PGBD5: variants seen among roughly 807,000 people sequenced by gnomAD.
The protein encoded by PGBD5 is piggyBac transposable element derived 5, also known as piggyBac transposable element-derived protein 5.
A neutral mutation model predicts 47.9 loss-of-function variants in PGBD5; 14 were observed. The observed-to-expected ratio is 0.29, with a 90% confidence interval of 0.19 to 0.46. PGBD5 has a LOEUF of 0.46. Among genes scored for constraint, PGBD5 ranks in the 20% least tolerant of loss-of-function variants. The pLI, the probability that PGBD5 is intolerant of heterozygous loss-of-function variation, is 1.00. For synonymous variants in PGBD5, 316 were observed against 306.3 expected, an observed-to-expected ratio of 1.03 and a Z score of -0.33; for missense variants, 635 against 716.0, an observed-to-expected ratio of 0.89 and a Z score of 1.29.
At chr1:230,415,291 C>T (rs1657490836) in intron 1 of PGBD5, among the ~76,000 whole-genome samples, 1 of 151,176 alleles carries the variant, frequency 6.6e-6, no homozygotes, top group South Asian at 2.1e-4. Flanking sequence ...AAAAAAAGTG[C>T]TCAAATAAGA....
chr1:230,327,444 A>G (rs1004120927), intron 5 of PGBD5, among the ~76,000 whole-genome samples: 2 of 152,118 alleles, frequency 1.3e-5, no homozygotes, highest in African/African-American at 4.8e-5. Flanking sequence ...CTTTCCTCAG[A>G]AACAGCAGCA....
chr1:230,355,718 G>C lies in PGBD5; in HGVS notation c.759+1176C>G, dbSNP rs115225987. 8.6e-3 allele frequency among the ~76,000 whole-genome samples: 1,316 copies of C among 152,292 alleles called. 23 individuals carry two copies. Among genetic ancestry groups the C allele is most frequent in the Middle Eastern group, 0.017 (5 of 294 alleles). ...TTCAGATAACAGGGAATCCACACGG[G>C]ACTGTGGGCCTTACACTGGCCCTGG... On this transcript the variant is annotated intron_variant, in intron 2 of 6. Coordinates refer to ENST00000391860, the MANE Select transcript of PGBD5 (RefSeq NM_001258311.2).
At chr1:230,347,851 A>G (rs1352913675) in intron 3 of PGBD5, among the ~76,000 whole-genome samples, 1 of 152,076 alleles carries the variant, frequency 6.6e-6, no homozygotes, top group Non-Finnish European at 1.5e-5. Flanking sequence ...TACAAAATCG[A>G]TGTGCCATAT....
chr1:230,358,218 G>C (rs904878654), intron 1 of PGBD5, among the ~76,000 whole-genome samples: 1 of 152,028 alleles, frequency 6.6e-6, no homozygotes, highest in Non-Finnish European at 1.5e-5. Context: ...CCTGGGAATG[G>C]GGGGTAGAAT....
Position 230,323,345 on chromosome 1 carries a change from G to C in PGBD5, c.*80C>G. ...CAAGCCACACACCAGGCCGTGTCCG[G>C]GTCTCTGATGGGCAAGTTGGAACGG... is the stretch of plus-strand genomic sequence containing the variant. On this transcript the variant is annotated 3_prime_UTR_variant, in exon 7 of 7. Transcript: ENST00000391860. The surrounding 1 kb of genome is among the most constrained non-coding windows in gnomAD (Gnocchi z 4.1). The C allele has an allele frequency of 6.6e-7, 1 of 1,516,296 alleles. No homozygotes were observed. Among genetic ancestry groups the C allele is most frequent in the Non-Finnish European group, 8.9e-7 (1 of 1,124,290 alleles). The allele number at this position is 1,516,296 out of a possible 1,614,324, so 93.9% of individuals were successfully genotyped here.
At chr1:230,354,312 C>A (rs764222217) in intron 2 of PGBD5, among the ~76,000 whole-genome samples, 4 of 151,990 alleles carry the variant, frequency 2.6e-5, no homozygotes, top group Non-Finnish European at 5.9e-5. Flanking sequence ...GCTGGGTGTT[C>A]TCTGTTTGCC....
intron 1 of PGBD5, among the ~76,000 whole-genome samples, chr1:230,363,568 C>T (rs969226502): frequency 2.0e-5 from 3 of 150,470 alleles, no homozygotes; most frequent in African/African-American, 4.9e-5. Flanking sequence ...GGTGACAGAG[C>T]GAGACTCCAT....
At chr1:230,341,693 A>G (rs1667409414) in intron 3 of PGBD5, among the ~76,000 whole-genome samples, 1 of 152,204 alleles carries the variant, frequency 6.6e-6, no homozygotes, top group South Asian at 2.1e-4. Context: ...ACATATCTAG[A>G]GAAAGCACTA....
Position 230,398,061 on chromosome 1 carries a change from T to C in PGBD5, c.331+27537A>G, listed in dbSNP as rs539693811. On this transcript the variant is annotated intron_variant, in intron 1 of 6. Transcript: ENST00000391860. ...CACATCTGGCACCCAGGAACTCCTA[T>C]AGGACCCTGAAACAGTCCCAGTTGG... Among the ~76,000 whole-genome samples the C allele has an allele frequency of 2.6e-5, 4 of 152,258 alleles. No homozygotes were observed. In the East Asian group the frequency reaches 5.8e-4, roughly 22 times the overall value.
intron 2 of PGBD5, among the ~76,000 whole-genome samples, chr1:230,353,844 G>GAATCC (rs1222236148): frequency 6.6e-6 from 1 of 152,224 alleles, no homozygotes; most frequent in Non-Finnish European, 1.5e-5. Flanking sequence ...GGAAAGCTGC[G>GAATCC]AATCCAAGGC....
intron 1 of PGBD5, among the ~76,000 whole-genome samples, chr1:230,393,754 A>G (rs1468808125): frequency 3.3e-5 from 5 of 149,278 alleles, no homozygotes; most frequent in Non-Finnish European, 5.9e-5. Flanking sequence ...GAACCCGGGA[A>G]GCGGAGCTTG....
chr1:230,343,132 A>C (rs1667431648), intron 3 of PGBD5, among the ~76,000 whole-genome samples: 2 of 152,134 alleles, frequency 1.3e-5, no homozygotes, highest in African/African-American at 2.4e-5. Flanking sequence ...CACCATGACC[A>C]TGCCCAGGAA....
intron 1 of PGBD5, among the ~76,000 whole-genome samples, chr1:230,384,678 C>A (rs1656592581): frequency 6.6e-6 from 1 of 152,234 alleles, no homozygotes; most frequent in Admixed American, 6.5e-5. Context: ...AGGAGCAGAA[C>A]AAGAGCACTA....
At chr1:230,338,798 C>T (rs1014897819) in intron 3 of PGBD5, among the ~76,000 whole-genome samples, 1 of 151,916 alleles carries the variant, frequency 6.6e-6, no homozygotes, top group Non-Finnish European at 1.5e-5. Flanking sequence ...GAAATTCCAT[C>T]TCAAAAATAA....
chr1:230,355,878 T>C (rs1667637079), intron 2 of PGBD5, among the ~76,000 whole-genome samples: 1 of 152,118 alleles, frequency 6.6e-6, no homozygotes, highest in South Asian at 2.1e-4. Flanking sequence ...AGAGAGAATG[T>C]AAGGCTCCCA....
rs190271626 is a variant in PGBD5 at position 230,388,295 on chromosome 1, T to C, written c.332-30974A>G. Among the ~76,000 whole-genome samples the C allele has an allele frequency of 5.9e-5, 9 of 152,266 alleles. No individual in the cohort carries two copies. In the East Asian group the frequency reaches 1.2e-3, roughly 20 times the overall value. ...CAAGGCTGAGAGCAGGACCCTGGCC[T>C]CCTGGAAGCCAAGCAGCGATGGGGT... On this transcript the variant is annotated intron_variant, in intron 1 of 6. Coordinates refer to ENST00000391860, the MANE Select transcript of PGBD5 (RefSeq NM_001258311.2).
chr1:230,338,379 T>A (rs1267416541), intron 3 of PGBD5, among the ~76,000 whole-genome samples: 2 of 152,222 alleles, frequency 1.3e-5, no homozygotes, highest in African/African-American at 4.8e-5. Context: ...GGGATCTGCA[T>A]TCCCGTTGTT....
In PGBD5 at chr1:230,323,688, C is replaced by T. The variant is rs572741825; in HGVS notation, c.1380-68G>A. On this transcript the variant is annotated intron_variant, in intron 6 of 6. Transcript: ENST00000391860. The surrounding 1 kb of genome is among the most constrained non-coding windows in gnomAD (Gnocchi z 4.1). ...GGCACCCGGAGATGCATCCCAAAGGCCCCCCCTCACCACAGCCCGTGAGAC... is the reference window on the plus strand; with the variant it reads ...GGCACCCGGAGATGCATCCCAAAGGTCCCCCCTCACCACAGCCCGTGAGAC... The T allele has an allele frequency of 4.2e-4, 124 of 293,602 alleles. No homozygotes were observed. The African/African-American group carries it at 4.8e-3, about 11-fold the overall frequency. The allele number at this position is 293,602 out of a possible 1,614,324, so 18.2% of individuals were successfully genotyped here.
chr1:230,413,461 T>C (rs1657455057), intron 1 of PGBD5, among the ~76,000 whole-genome samples: 1 of 151,992 alleles, frequency 6.6e-6, no homozygotes, highest in Non-Finnish European at 1.5e-5. Context: ...GATCGCATCA[T>C]CGCACTCCAG....
Sources: allele counts gnomAD v4.1 joint callset (sites outside exome capture counted in the v4.1 genomes callset), GRCh38; gene constraint gnomAD v4.1.1; non-coding constraint Gnocchi (gnomAD v3.1); transcripts MANE v1.5; gene names NCBI Gene and HGNC (gene_info 2026-07-23, HGNC 2026-07-21).